The following RALGPS1 variants were observed in gnomAD, a reference collection of about 807,000 sequenced individuals.
RALGPS1 encodes Ral GEF with PH domain and SH3 binding motif 1, also known as ras-specific guanine nucleotide-releasing factor RalGPS1.
In RALGPS1, 19 loss-of-function variants were observed where a neutral mutation model predicts 78.8. The observed-to-expected ratio is 0.24, with a 90% CI of 0.17 to 0.35. RALGPS1 has a LOEUF of 0.35. Among genes scored for constraint, RALGPS1 ranks in the 10% least tolerant of loss-of-function variants. The pLI, the probability that RALGPS1 is intolerant of heterozygous loss-of-function variation, is 1.00. For missense variants in RALGPS1, 454 were observed against 688.3 expected (o/e 0.66, Z 3.81); for synonymous variants, 228 against 256.3 (o/e 0.89, Z 1.06).
In RALGPS1 at chr9:127,212,298, C is replaced by A; in HGVS notation, c.1353+62C>A. The A allele has an allele frequency of 7.8e-7, 1 of 1,283,998 alleles. No individual in the cohort carries two copies. The highest frequency in any genetic ancestry group is 1.1e-6 in the Non-Finnish European group (1 of 918,330). 79.5% of individuals were successfully genotyped at this position (1,283,998 alleles called of 1,614,324 possible). On this transcript the variant is annotated intron_variant, in intron 15 of 18. Transcript: ENST00000259351. This position sits in a 1 kb window ranked among gnomAD's most constrained non-coding sequence, Gnocchi z 6.0. ...CTTCCACATCTGTAAATAGTGCCCA[C>A]TCCTAGAGGTCTCAGCAAAAGTCAC...
At chr9:127,100,268 T>C (rs973659077) in intron 8 of RALGPS1, among the ~76,000 whole-genome samples, 52 of 152,302 alleles carry the variant, frequency 3.4e-4, no homozygotes, top group African/African-American at 1.2e-3. Context: ...TTCTATTAAA[T>C]GTGTGAGGTA....
intron 8 of RALGPS1, among the ~76,000 whole-genome samples, chr9:127,074,532 G>A (rs1034684032): frequency 2.6e-5 from 4 of 152,192 alleles, no homozygotes; most frequent in Non-Finnish European, 4.4e-5. Flanking sequence ...TGGTACTACC[G>A]TGAGGGTAGC....
At chr9:127,082,316 C>T (rs2051257437) in intron 8 of RALGPS1, among the ~76,000 whole-genome samples, 1 of 152,156 alleles carries the variant, frequency 6.6e-6, no homozygotes. Context: ...GATTGGTAGC[C>T]CAGGGAGCTG....
intron 1 of RALGPS1, among the ~76,000 whole-genome samples, chr9:126,941,170 G>T (rs563662862): frequency 2.0e-5 from 3 of 151,934 alleles, no homozygotes; most frequent in African/African-American, 7.3e-5. Flanking sequence ...TAGTTGTGGG[G>T]GGGGGTTGTT....
At chr9:127,072,454 A>G (rs757899529) in intron 8 of RALGPS1, among the ~76,000 whole-genome samples, 15 of 152,220 alleles carry the variant, frequency 9.9e-5, no homozygotes, top group Non-Finnish European at 1.9e-4. Context: ...AGCTCAAGCA[A>G]TCTGCCTGCC....
intron 18 of RALGPS1, chr9:127,216,969 G>A (rs749094464): frequency 2.1e-5 from 32 of 1,545,300 alleles, no homozygotes; most frequent in South Asian, 7.2e-5. Flanking sequence ...CCTGGAGGGC[G>A]GTGCGGGGAA....
Position 126,977,811 on chromosome 9 carries a change from A to T in RALGPS1, c.216+66A>T, listed in dbSNP as rs1018957403. Reference sequence around the variant, plus strand: ...GTGGGCAGCGAGGATTTAGCCAGCCACTGTTAGAGTGTCTCAGTTTCTCTC... The same window carrying T: ...GTGGGCAGCGAGGATTTAGCCAGCCTCTGTTAGAGTGTCTCAGTTTCTCTC... On this transcript the variant is annotated intron_variant, in intron 4 of 18. Coordinates refer to ENST00000259351, the MANE Select transcript of RALGPS1 (RefSeq NM_014636.3). 17 of 1,196,346 alleles carry T rather than the reference A, an allele frequency of 1.4e-5. No homozygotes were observed. The East Asian group carries it at 4.4e-4, about 31-fold the overall frequency. The allele number at this position is 1,196,346 out of a possible 1,614,324, so 74.1% of individuals were successfully genotyped here.
intron 13 of RALGPS1, among the ~76,000 whole-genome samples, chr9:127,197,080 A>G (rs1366964292): frequency 2.0e-5 from 3 of 152,176 alleles, no homozygotes; most frequent in Non-Finnish European, 4.4e-5. Context: ...TGTCTTCACA[A>G]TGGGAAGCTA....
chr9:126,945,642 TGGGAGAGTCAG>T (rs953246395), intron 1 of RALGPS1, among the ~76,000 whole-genome samples: 4 of 152,236 alleles, frequency 2.6e-5, no homozygotes, highest in Non-Finnish European at 4.4e-5. Flanking sequence ...TACTTGGCTC[TGGGAGAGTCAG>T]GACCATCAGG....
intron 3 of RALGPS1, among the ~76,000 whole-genome samples, chr9:126,976,379 A>G (rs1004606952): frequency 1.2e-4 from 18 of 148,074 alleles, no homozygotes; most frequent in African/African-American, 4.2e-4. Context: ...ACACACACTT[A>G]TACGCTTACA....
chr9:126,994,031 G>A lies in RALGPS1; in HGVS notation c.216+16286G>A, dbSNP rs202063554. 9.8e-4 allele frequency among the ~76,000 whole-genome samples: 149 copies of A among 152,124 alleles called. No individual in the cohort carries two copies. The East Asian group carries it at 0.023, about 23-fold the overall frequency. ...ATCCACACCAAAAACCCATCTGTACGTCACCATCATCAAAGACCAAAGGTA... is the reference window on the plus strand; with the variant it reads ...ATCCACACCAAAAACCCATCTGTACATCACCATCATCAAAGACCAAAGGTA... On this transcript the variant is annotated intron_variant, in intron 4 of 18. Transcript: ENST00000259351.
intron 8 of RALGPS1, among the ~76,000 whole-genome samples, chr9:127,072,662 G>A (rs1034111627): frequency 2.0e-5 from 3 of 152,166 alleles, no homozygotes; most frequent in Non-Finnish European, 2.9e-5. Context: ...AAGGTGTAAT[G>A]TCTCAAATTA....
At chr9:127,083,751 G>A (rs1287312084) in intron 8 of RALGPS1, among the ~76,000 whole-genome samples, 1 of 152,162 alleles carries the variant, frequency 6.6e-6, no homozygotes, top group African/African-American at 2.4e-5. Flanking sequence ...GAACTTAGCA[G>A]GTCCTTTGGT....
intron 8 of RALGPS1, among the ~76,000 whole-genome samples, chr9:127,118,097 C>T (rs1589585198): frequency 6.6e-6 from 1 of 152,298 alleles, no homozygotes; most frequent in East Asian, 1.9e-4. Context: ...GCTCTATCAC[C>T]AGACTGGAGT....
intron 4 of RALGPS1, among the ~76,000 whole-genome samples, chr9:126,982,071 TCTC>T (rs1351000435): frequency 3.9e-5 from 6 of 152,156 alleles, no homozygotes; most frequent in Non-Finnish European, 7.3e-5. Flanking sequence ...GCAGTTGACT[TCTC>T]CTAGAATGAG....
chr9:127,023,099 A>T (rs1340999750), intron 4 of RALGPS1, among the ~76,000 whole-genome samples: 1 of 151,980 alleles, frequency 6.6e-6, no homozygotes, highest in African/African-American at 2.4e-5. Context: ...TTCTTCAAAC[A>T]CCATCATCAT....
At chr9:127,156,159 A>G (rs1373388208) in intron 8 of RALGPS1, among the ~76,000 whole-genome samples, 2 of 152,152 alleles carry the variant, frequency 1.3e-5, no homozygotes, top group Non-Finnish European at 2.9e-5. Context: ...TAGCTGCATG[A>G]TGTTCCGCTA....
chr9:127,207,106 TACC>T, intron 14 of RALGPS1, among the ~76,000 whole-genome samples: 1 of 151,932 alleles, frequency 6.6e-6, no homozygotes, highest in Non-Finnish European at 1.5e-5. Flanking sequence ...CCACCACCGT[TACC>T]ACCATCACCA....
intron 1 of RALGPS1, among the ~76,000 whole-genome samples, chr9:126,922,369 G>A (rs941494907): frequency 6.6e-6 from 1 of 152,170 alleles, no homozygotes; most frequent in Admixed American, 6.5e-5. Flanking sequence ...GAAGAATAGG[G>A]AATGTATTTA....
Sources: gnomAD v4.1 joint callset for allele counts (sites outside exome capture counted in the v4.1 genomes callset) on GRCh38, gnomAD v4.1.1 for gene constraint, Gnocchi (gnomAD v3.1) non-coding constraint, MANE v1.5 for transcripts, NCBI Gene and HGNC (gene_info 2026-07-23, HGNC 2026-07-21) for gene names.